Variants in SKAP2 observed in about 807,000 individuals in gnomAD.
SKAP2 encodes the protein src kinase-associated phosphoprotein 2.
SKAP2 carries 28 observed loss-of-function variants against 54.9 expected under a neutral mutation model. The ratio of observed to expected loss-of-function variants is 0.51; its 90% CI spans 0.38 to 0.70. SKAP2 has a LOEUF of 0.70. Among genes scored for constraint, SKAP2 ranks in the 30% least tolerant of loss-of-function variants. The pLI is 0.00. For synonymous variants in SKAP2, 137 were observed against 134.3 expected (o/e 1.02, Z -0.14); for missense variants, 356 against 424.1 (o/e 0.84, Z 1.41).
At chr7:26,762,687 A>G (rs1232983759) in intron 4 of SKAP2, among the ~76,000 whole-genome samples, 2 of 152,174 alleles carry the variant, frequency 1.3e-5, no homozygotes, top group Non-Finnish European at 2.9e-5. Flanking sequence ...AATACAAAAA[A>G]AAAAATTGAT....
intron 4 of SKAP2, among the ~76,000 whole-genome samples, chr7:26,809,829 C>G (rs1385442497): frequency 6.6e-6 from 1 of 152,114 alleles, no homozygotes; most frequent in African/African-American, 2.4e-5. Flanking sequence ...GCATTATTCA[C>G]AATAGCCAAG....
intron 11 of SKAP2, among the ~76,000 whole-genome samples, chr7:26,678,322 G>A (rs1420524494): frequency 4.6e-5 from 7 of 152,082 alleles, no homozygotes. Context: ...CGCACTATAA[G>A]GCAATCTGAT....
intron 4 of SKAP2, among the ~76,000 whole-genome samples, chr7:26,778,600 T>C (rs1696658418): frequency 6.6e-6 from 1 of 152,014 alleles, no homozygotes. Context: ...AGTCATTAGT[T>C]CAGGAGTCAG....
chr7:26,758,470 A>G (rs935897347), intron 4 of SKAP2, among the ~76,000 whole-genome samples: 3 of 152,160 alleles, frequency 2.0e-5, no homozygotes, highest in East Asian at 1.9e-4. Flanking sequence ...TACTACTTTG[A>G]GAATGTTCAC....
chr7:26,758,187 T>C (rs999388618), intron 4 of SKAP2, among the ~76,000 whole-genome samples: 14 of 152,164 alleles, frequency 9.2e-5, no homozygotes, highest in African/African-American at 3.4e-4. Flanking sequence ...TTCTTACTTC[T>C]AGGGAGTGTA....
chr7:26,697,004 G>A (rs1284186380), intron 9 of SKAP2, among the ~76,000 whole-genome samples: 1 of 152,070 alleles, frequency 6.6e-6, no homozygotes, highest in Non-Finnish European at 1.5e-5. Flanking sequence ...ATCATGATTG[G>A]GATGTTGAGG....
At chr7:26,664,971 A>G (rs561982484), downstream of SKAP2, among the ~76,000 whole-genome samples, 14 of 152,266 alleles carry the variant, frequency 9.2e-5, no homozygotes, top group South Asian at 1.5e-3. Context: ...TGGGGACTCA[A>G]AGCACTCAAG....
intron 9 of SKAP2, among the ~76,000 whole-genome samples, chr7:26,716,906 T>C (rs1446724999): frequency 6.6e-6 from 1 of 152,240 alleles, no homozygotes; most frequent in African/African-American, 2.4e-5. Flanking sequence ...GTTTTGCCTC[T>C]TTTTTAGATT....
chr7:26,800,925 A>G (rs1783898937), intron 4 of SKAP2, among the ~76,000 whole-genome samples: 1 of 152,188 alleles, frequency 6.6e-6, no homozygotes, highest in Non-Finnish European at 1.5e-5. Flanking sequence ...CATTTAAAGA[A>G]CTAACACCAA....
At chr7:26,797,298 T>C (rs886957189) in intron 4 of SKAP2, among the ~76,000 whole-genome samples, 2 of 152,214 alleles carry the variant, frequency 1.3e-5, no homozygotes, top group Non-Finnish European at 2.9e-5. Flanking sequence ...GCAGTCATAG[T>C]GGTGGCCGCC....
At chr7:26,666,903 TATTTC>T (rs1263341118), downstream of SKAP2, among the ~76,000 whole-genome samples, 1 of 152,198 alleles carries the variant, frequency 6.6e-6, no homozygotes, top group Non-Finnish European at 1.5e-5. Flanking sequence ...ATGACAGCCC[TATTTC>T]ATTTCTTCAT....
chr7:26,726,947 G>C lies in SKAP2; in HGVS notation c.529C>G (p.Leu177Val). 6.2e-7 allele frequency: 1 copy of C among 1,609,408 alleles called. No individual in the cohort carries two copies. Residue 177 changes from leucine (L) to valine (V), a missense_variant, in exon 7 of 13, where the codon CTA becomes GTA. Coordinates refer to ENST00000345317, the MANE Select transcript of SKAP2 (RefSeq NM_003930.5). The part of the protein sequence containing the change: ...DGYSVRMNNT[L>V]RKDGKKDCCF... ...CAATCTTTCTTTCCATCCTTTCTTA[G>C]AGTGTTATTCATTCTGACACTGTAG...
chr7:26,693,256 T>C (rs886256231), intron 9 of SKAP2, among the ~76,000 whole-genome samples: 2 of 143,854 alleles, frequency 1.4e-5, no homozygotes, highest in Admixed American at 7.4e-5. Flanking sequence ...CGCTTGAACC[T>C]GGGAGGCGGA....
chr7:26,769,276 G>C (rs188151795), intron 4 of SKAP2, among the ~76,000 whole-genome samples: 2 of 152,120 alleles, frequency 1.3e-5, no homozygotes, highest in Non-Finnish European at 2.9e-5. Context: ...GCTTCATGAA[G>C]TTCTCATGCT....
intron 4 of SKAP2, among the ~76,000 whole-genome samples, chr7:26,793,356 A>T (rs571897038): frequency 6.6e-6 from 1 of 152,208 alleles, no homozygotes; most frequent in South Asian, 2.1e-4. Flanking sequence ...TCTTAACTGA[A>T]GTATCCTTAC....
At chr7:26,714,404 G>C (rs1787384963) in intron 9 of SKAP2, among the ~76,000 whole-genome samples, 1 of 152,160 alleles carries the variant, frequency 6.6e-6, no homozygotes. Flanking sequence ...TTCTAATGAA[G>C]TTCTAATAAA....
At chr7:26,788,112 A>C (rs924306274) in intron 4 of SKAP2, among the ~76,000 whole-genome samples, 2 of 152,242 alleles carry the variant, frequency 1.3e-5, no homozygotes, top group Non-Finnish European at 2.9e-5. Context: ...ATGTGTGGAC[A>C]AATAAGAACA....
chr7:26,684,873 G>C lies in SKAP2; in HGVS notation c.875-25C>G. The C allele has an allele frequency of 3.7e-6, 5 of 1,354,480 alleles. No homozygotes were observed. The South Asian group carries it at 4.7e-5, about 13-fold the overall frequency. The allele number at this position is 1,354,480 out of a possible 1,614,324, so 83.9% of individuals were successfully genotyped here. Reference sequence around the variant, plus strand: ...CCTAGGAAGAAGAAAGAGAAAGCATGAATTAGGGCCTTCATGTAATAACCC... The same window carrying C: ...CCTAGGAAGAAGAAAGAGAAAGCATCAATTAGGGCCTTCATGTAATAACCC... On this transcript the variant is annotated intron_variant, in intron 10 of 12. Coordinates refer to ENST00000345317, the MANE Select transcript of SKAP2 (RefSeq NM_003930.5).
At chr7:26,777,235 C>A (rs1254052141) in intron 4 of SKAP2, among the ~76,000 whole-genome samples, 1 of 152,112 alleles carries the variant, frequency 6.6e-6, no homozygotes, top group Non-Finnish European at 1.5e-5. Flanking sequence ...CAAATACCCT[C>A]CTGAATACGA....
Sources: gnomAD v4.1 joint callset for allele counts (sites outside exome capture counted in the v4.1 genomes callset) on GRCh38, gnomAD v4.1.1 for gene constraint, MANE v1.5 for transcripts, NCBI Gene and HGNC (gene_info 2026-07-23, HGNC 2026-07-21) for gene names.